The following DNAI7 variants were observed in gnomAD, a reference collection of about 807,000 sequenced individuals.
DNAI7 encodes the protein dynein axonemal intermediate chain 7, also known as cancer susceptibility 1.
Under a neutral mutation model 86.6 loss-of-function variants are expected in DNAI7, and 78 were observed. The ratio of observed to expected loss-of-function variants is 0.90; its 90% CI spans 0.75 to 1.09. DNAI7 has a LOEUF of 1.09. DNAI7 is among the 50% of genes least tolerant of loss of function. The pLI is 0.00. For missense variants in DNAI7, 753 were observed against 810.2 expected, an observed-to-expected ratio of 0.93 and a Z score of 0.86; for synonymous variants, 274 against 273.0, an observed-to-expected ratio of 1.00 and a Z score of -0.04.
At chr12:25,107,716 G>A, downstream of DNAI7, 1 of 1,121,654 alleles carries the variant, frequency 8.9e-7, no homozygotes, top group Non-Finnish European at 1.3e-6. Context: ...GGCAGTTTTG[G>A]GGGTATGAAG....
chr12:25,144,391 C>A lies in DNAI7; in HGVS notation c.976G>T (p.Glu326Ter). The change falls in exon 9 of 16, where the codon GAA (glutamate) becomes TAA (stop). Residue 326 changes from glutamate to a stop codon, truncating the protein, a stop_gained. Transcript: ENST00000395987. LOFTEE classifies it high-confidence loss of function. ...ATTTTCACTTCAATATCACCTTGTT[C>A]CTCCTCAACTTTTATTTCTTCCTCC... ...IQEEEIKVEE[E>*]QGDIEVKMSS... 6.2e-7 allele frequency: 1 copy of A among 1,613,590 alleles called. No individual in the cohort carries two copies. Among genetic ancestry groups the A allele is most frequent in the African/African-American group, 1.3e-5 (1 of 74,954 alleles).
chr12:25,187,051 G>C (rs1235773028), intron 2 of DNAI7, among the ~76,000 whole-genome samples: 1 of 152,106 alleles, frequency 6.6e-6, no homozygotes, highest in Non-Finnish European at 1.5e-5. Context: ...ATGTAAATCA[G>C]ATCATGCCAC....
rs144445498 is a variant in DNAI7 at position 25,144,539 on chromosome 12, T to C, written c.828A>G (p.Ser276=). Residue 276 remains serine, a synonymous_variant, in exon 9 of 16, where the codon TCA becomes TCG. Coordinates refer to ENST00000395987, the MANE Select transcript of DNAI7 (RefSeq NM_018272.5). ...VSALHPVSTP[S]KEYTSAVTEL... is the part of the protein sequence containing the mutation. Reference sequence around the variant, plus strand: ...CAGTTACTGCAGAAGTGTATTCTTTTGATGGTGTTGAAACAGGGTGCAGTG... The same window carrying C: ...CAGTTACTGCAGAAGTGTATTCTTTCGATGGTGTTGAAACAGGGTGCAGTG... The C allele has an allele frequency of 5.2e-4, 844 of 1,614,014 alleles. No homozygotes were observed. The highest frequency in any genetic ancestry group is 6.8e-4 in the Non-Finnish European group (802 of 1,180,008).
chr12:25,159,485 A>T (rs968797292), intron 3 of DNAI7, among the ~76,000 whole-genome samples: 1 of 152,126 alleles, frequency 6.6e-6, no homozygotes, highest in Non-Finnish European at 1.5e-5. Context: ...GGTCAAAAAT[A>T]AAAAAATAAA....
intron 9 of DNAI7, among the ~76,000 whole-genome samples, chr12:25,125,793 TAAGA>T (rs1942044644): frequency 6.6e-6 from 1 of 152,200 alleles, no homozygotes; most frequent in Non-Finnish European, 1.5e-5. Flanking sequence ...GTAAACAGTA[TAAGA>T]AAGAGGTACA....
chr12:25,149,823 G>A (rs1388519792), intron 6 of DNAI7, 49 bp from the exon 7 acceptor site: 7 of 1,188,214 alleles, frequency 5.9e-6, no homozygotes, highest in African/African-American at 4.6e-5. Context: ...AATAGTCAAG[G>A]ACAAGTGAAA....
At chr12:25,141,155 A>T (rs1944144284) in intron 9 of DNAI7, among the ~76,000 whole-genome samples, 1 of 152,238 alleles carries the variant, frequency 6.6e-6, no homozygotes, top group African/African-American at 2.4e-5. Flanking sequence ...GGCTTAGGCA[A>T]AGACTTCATG....
chr12:25,134,485 C>T (rs571812705), intron 9 of DNAI7, among the ~76,000 whole-genome samples: 1 of 149,248 alleles, frequency 6.7e-6, no homozygotes, highest in Non-Finnish European at 1.5e-5. Flanking sequence ...GCCTCCCGAG[C>T]AGTTGGGATT....
At chr12:25,118,977 A>T (rs572681196) in intron 12 of DNAI7, among the ~76,000 whole-genome samples, 168 bp downstream of exon 12, 3 of 152,370 alleles carry the variant, frequency 2.0e-5, no homozygotes, top group South Asian at 4.1e-4. Context: ...AGCAAATTTT[A>T]AACTCCAACA....
intron 2 of DNAI7, among the ~76,000 whole-genome samples, chr12:25,168,528 C>T (rs1383589265): frequency 6.6e-6 from 1 of 152,210 alleles, no homozygotes; most frequent in African/African-American, 2.4e-5. Flanking sequence ...CTTTATCAGT[C>T]CTCCAGGCCC....
intron 9 of DNAI7, among the ~76,000 whole-genome samples, chr12:25,138,799 A>C (rs1427036755): frequency 7.0e-5 from 5 of 71,376 alleles, no homozygotes; most frequent in Non-Finnish European, 2.2e-4. Context: ...TCAAGGAACT[A>C]GAGAAAAAAG....
intron 7 of DNAI7, among the ~76,000 whole-genome samples, chr12:25,148,475 T>G (rs4418900): frequency 6.6e-6 from 1 of 152,062 alleles, no homozygotes; most frequent in Non-Finnish European, 1.5e-5. Flanking sequence ...AGAAGAATTA[T>G]GTATTCCTCA....
At chr12:25,154,176 G>A in intron 6 of DNAI7, 143 bp downstream of exon 6, 1 of 625,432 alleles carries the variant, frequency 1.6e-6, no homozygotes, top group Non-Finnish European at 2.6e-6. Flanking sequence ...AAAAGAAAAT[G>A]AAAAGATTAC....
chr12:25,130,512 G>C (rs1052096247), intron 9 of DNAI7, among the ~76,000 whole-genome samples: 2 of 150,038 alleles, frequency 1.3e-5, no homozygotes, highest in Admixed American at 6.7e-5. Context: ...ACTCCGGCCT[G>C]GGCGAAAGAG....
chr12:25,141,456 A>G (rs1944171828), intron 9 of DNAI7, among the ~76,000 whole-genome samples: 1 of 152,226 alleles, frequency 6.6e-6, no homozygotes, highest in Admixed American at 6.5e-5. Context: ...CAAGAAACAT[A>G]AGAAAAAATG....
At chr12:25,124,220 C>G (rs999627841) in intron 9 of DNAI7, among the ~76,000 whole-genome samples, 1 of 152,012 alleles carries the variant, frequency 6.6e-6, no homozygotes, top group Non-Finnish European at 1.5e-5. Context: ...CAGACAAGTC[C>G]CCCTTAGTAG....
chr12:25,120,146 T>C (rs1940959437), intron 11 of DNAI7, among the ~76,000 whole-genome samples: 1 of 151,772 alleles, frequency 6.6e-6, no homozygotes, highest in Admixed American at 6.6e-5. Context: ...TTTGTTGGAG[T>C]GGCAGGTGAT....
intron 6 of DNAI7, among the ~76,000 whole-genome samples, chr12:25,150,688 T>C (rs1320028509): frequency 1.3e-5 from 2 of 151,808 alleles, no homozygotes; most frequent in Admixed American, 6.6e-5. Flanking sequence ...ACATAACCTA[T>C]GATGCCTTCT....
At chr12:25,183,996 C>G (rs571263360) in intron 2 of DNAI7, among the ~76,000 whole-genome samples, 2 of 152,140 alleles carry the variant, frequency 1.3e-5, no homozygotes, top group Non-Finnish European at 2.9e-5. Flanking sequence ...AACAAATATG[C>G]CTTCTATATC....
Sources: gnomAD v4.1 joint callset for allele counts (sites outside exome capture counted in the v4.1 genomes callset) on GRCh38, gnomAD v4.1.1 for gene constraint, MANE v1.5 for transcripts, NCBI Gene and HGNC (gene_info 2026-07-23, HGNC 2026-07-21) for gene names.